ZFX: variants seen among roughly 807,000 people sequenced by gnomAD.
ZFX encodes zinc finger X-chromosomal protein.
For synonymous variants in ZFX, 196 were observed against 226.8 expected (o/e 0.86, Z 1.22); for missense variants, 362 against 628.3 (o/e 0.58, Z 4.53).
intron 8 of ZFX, 82 bp from the exon 9 acceptor site, chrX:24,208,818 C>T (rs1937817583): frequency 2.0e-6 from 2 of 1,001,543 alleles, no homozygotes; most frequent in Non-Finnish European, 2.7e-6. Flanking sequence ...GCTTACTTTT[C>T]GTTGTTGTAG....
intron 1 of ZFX, chrX:24,150,472 C>T (rs1200219363): frequency 5.3e-5 from 6 of 112,856 alleles, no homozygotes; most frequent in Non-Finnish European, 1.1e-4. Context: ...AGGCGCTCGG[C>T]GGCAGCGCCA....
intron 3 of ZFX, among the ~76,000 whole-genome samples, chrX:24,153,344 G>C (rs1932428838): frequency 9.0e-6 from 1 of 110,982 alleles, no homozygotes; most frequent in African/African-American, 3.3e-5. Context: ...CTTCACCTAG[G>C]CCTTCCTCCT....
chrX:24,196,339 C>T (rs1031103896), intron 5 of ZFX, among the ~76,000 whole-genome samples: 1 of 111,665 alleles, frequency 9.0e-6, no homozygotes, highest in Non-Finnish European at 1.9e-5. Context: ...TCTCGAACTC[C>T]TCACCTCAGG....
chrX:24,215,074 T>C lies in ZFX; in HGVS notation c.*3698T>C, dbSNP rs751945755. On this transcript the variant is annotated 3_prime_UTR_variant, in exon 10 of 10. Coordinates refer to ENST00000304543, the MANE Select transcript of ZFX (RefSeq NM_003410.4). ...AACGTTTGCCTAATAGTTGAAACAA[T>C]AAATTAAAATTTTAGGTAAATGACG... is the stretch of plus-strand genomic sequence containing the variant. 8.9e-6 allele frequency: 1 copy of C among 112,032 alleles called. No individual in the cohort carries two copies. The highest frequency in any genetic ancestry group is 3.2e-5 in the African/African-American group (1 of 30,874). The allele number at this position is 112,032 out of a possible 1,213,427, so 9.2% of individuals were successfully genotyped here. A position where few individuals can be genotyped will look rare whatever the true frequency, so the allele number is the denominator to read the frequency against.
chrX:24,162,824 C>T (rs182890505), intron 3 of ZFX, among the ~76,000 whole-genome samples: 25 of 111,228 alleles, frequency 2.2e-4, no homozygotes, highest in African/African-American at 7.5e-4. Flanking sequence ...AAAAGAAACC[C>T]TACACCTACT....
Position 24,172,818 on chromosome X carries a change from GTTCCACT to G in ZFX, c.58+20_58+26del. On this transcript the variant is annotated intron_variant, in intron 4 of 9. Transcript: ENST00000304543. Reference sequence around the variant, plus strand: ...TGCAACAGGTATAACTACTTGAATTGTTCCACTTCCCATCTACCAGATTTGGAGTTGG... The same window carrying G: ...TGCAACAGGTATAACTACTTGAATTGTCCCATCTACCAGATTTGGAGTTGG... 1 of 1,180,199 alleles carries G rather than the reference GTTCCACT, an allele frequency of 8.5e-7. No individual in the cohort carries two copies. The highest frequency in any genetic ancestry group is 2.0e-5 in the South Asian group (1 of 50,980).
In ZFX at chrX:24,181,505, A is replaced by T. The variant is rs2283711; in HGVS notation, c.646+1735A>T. On this transcript the variant is annotated intron_variant, in intron 5 of 9. Transcript: ENST00000304543. Reference sequence around the variant, plus strand: ...GGTGGCAGGAAGACATTCCAGGCATATAGTATAGTGTATTAAAAAAGAAAA... The same window carrying T: ...GGTGGCAGGAAGACATTCCAGGCATTTAGTATAGTGTATTAAAAAAGAAAA... 3.6e-5 allele frequency among the ~76,000 whole-genome samples: 4 copies of T among 112,009 alleles called. No individual in the cohort carries two copies. In the East Asian group the frequency reaches 1.1e-3, roughly 31 times the overall value.
intron 4 of ZFX, among the ~76,000 whole-genome samples, chrX:24,176,589 G>A (rs1156740000): frequency 3.7e-5 from 4 of 107,562 alleles, no homozygotes; most frequent in Middle Eastern, 4.9e-3. Flanking sequence ...GCACCACTAC[G>A]CCTGGTTAAT....
chrX:24,198,327 C>T (rs901821163), intron 5 of ZFX, among the ~76,000 whole-genome samples: 6 of 110,927 alleles, frequency 5.4e-5, no homozygotes, highest in Non-Finnish European at 9.5e-5. Flanking sequence ...CTCAGCCTCC[C>T]GAGCAGCTGG....
In ZFX at chrX:24,208,386, G is replaced by C. The variant is rs766051923; in HGVS notation, c.1093+16G>C. The C allele has an allele frequency of 8.3e-7, 1 of 1,202,897 alleles. No homozygotes were observed. The highest frequency in any genetic ancestry group is 2.3e-5 in the Admixed American group (1 of 42,903). On this transcript the variant is annotated intron_variant, in intron 8 of 9. Coordinates refer to ENST00000304543, the MANE Select transcript of ZFX (RefSeq NM_003410.4). ...GCAGCTTATGGTAAGTTGCCCAGCA[G>C]CTCTTAGCATTGAAGAAGTTGGTTC...
intron 5 of ZFX, among the ~76,000 whole-genome samples, chrX:24,189,363 A>G (rs758602513): frequency 8.0e-5 from 9 of 112,012 alleles, no homozygotes; most frequent in Non-Finnish European, 1.7e-4. Flanking sequence ...TACAATGTAA[A>G]GGGACTCCTG....
At chrX:24,189,760 G>A (rs1162899598) in intron 5 of ZFX, among the ~76,000 whole-genome samples, 1 of 110,867 alleles carries the variant, frequency 9.0e-6, no homozygotes, top group Non-Finnish European at 1.9e-5. Flanking sequence ...TATCTTTAAT[G>A]TATAAACTCT....
intron 1 of ZFX, 79 bp from the exon 2 acceptor site, chrX:24,151,612 C>CG (rs1393303740): frequency 9.0e-6 from 1 of 111,462 alleles, no homozygotes; most frequent in East Asian, 2.8e-4. Context: ...GGGTAGGCAG[C>CG]GGGGGTGCCC....
intron 5 of ZFX, among the ~76,000 whole-genome samples, chrX:24,190,062 A>G (rs1368685679): frequency 4.5e-5 from 5 of 112,216 alleles, no homozygotes; most frequent in African/African-American, 1.6e-4. Context: ...GATTTTTAAA[A>G]TTTATTTCAT....
chrX:24,157,236 GT>G (rs1337202456), intron 3 of ZFX, among the ~76,000 whole-genome samples: 1 of 112,054 alleles, frequency 8.9e-6, no homozygotes, highest in South Asian at 3.7e-4. Flanking sequence ...AATTTTTGTT[GT>G]CATTGTGAAT....
Position 24,210,287 on chromosome X carries a change from C to T in ZFX, c.1329C>T (p.His443=), listed in dbSNP as rs1937980837. The T allele has an allele frequency of 4.1e-6, 5 of 1,209,803 alleles. No individual in the cohort carries two copies. Among genetic ancestry groups the T allele is most frequent in the Non-Finnish European group, 5.6e-6 (5 of 895,277 alleles). ...AGTCGAGAGGTTTTTTGAAAAGGCA[C>T]ATGAAAAACCATCCCGAACACCTTG... ...KFKSRGFLKR[H]MKNHPEHLAK... The change falls in exon 10 of 10, where the codon CAC becomes CAT. Residue 443 remains histidine, a synonymous_variant. Transcript: ENST00000304543.
intron 5 of ZFX, among the ~76,000 whole-genome samples, chrX:24,193,705 T>C (rs935914886): frequency 8.9e-6 from 1 of 112,023 alleles, no homozygotes; most frequent in Non-Finnish European, 1.9e-5. Flanking sequence ...TTCAGTAAAA[T>C]ATCTTCAGGT....
Position 24,207,831 on chromosome X carries a change from T to A in ZFX, c.916T>A (p.Ser306Thr), listed in dbSNP as rs771203574. The A allele has an allele frequency of 1.7e-6, 2 of 1,210,770 alleles. No individual in the cohort carries two copies. Among genetic ancestry groups the A allele is most frequent in the South Asian group, 3.5e-5 (2 of 56,503 alleles). Residue 306 changes from serine (S) to threonine (T), a missense_variant, in exon 7 of 10, where the codon TCT becomes ACT. Coordinates refer to ENST00000304543, the MANE Select transcript of ZFX (RefSeq NM_003410.4). ...EKMVYMTVND[S>T]QPEDEDLNVA... is the part of the protein sequence containing the mutation. Reference sequence around the variant, plus strand: ...GATGGTTTATATGACTGTCAATGACTCTCAGCCAGAAGATGAAGATTTAAG... The same window carrying A: ...GATGGTTTATATGACTGTCAATGACACTCAGCCAGAAGATGAAGATTTAAG...
intron 3 of ZFX, among the ~76,000 whole-genome samples, chrX:24,159,427 TTTTTTTC>T (rs1179730728): frequency 1.8e-5 from 2 of 112,268 alleles, no homozygotes; most frequent in African/African-American, 3.2e-5. Context: ...TTGGGGAGTA[TTTTTTTC>T]TTTTTTCTTT....
Sources: allele counts gnomAD v4.1 joint callset (sites outside exome capture counted in the v4.1 genomes callset), GRCh38; gene constraint gnomAD v4.1.1; transcripts MANE v1.5; gene names NCBI Gene and HGNC (gene_info 2026-07-23, HGNC 2026-07-21).